Variants in DOCK4 observed in about 807,000 individuals in gnomAD.
DOCK4 encodes dedicator of cytokinesis protein 4.
DOCK4 carries 97 observed loss-of-function variants against 268.1 expected under a neutral mutation model. The ratio of observed to expected loss-of-function variants is 0.36; its 90% CI spans 0.31 to 0.43. The LOEUF is 0.43. Among genes scored for constraint, DOCK4 ranks in the 20% least tolerant of loss-of-function variants. The pLI is 1.00. For synonymous variants in DOCK4, 954 were observed against 887.2 expected (o/e 1.08, Z -1.34); for missense variants, 2,145 against 2,455.7 (o/e 0.87, Z 2.67).
intron 1 of DOCK4, among the ~76,000 whole-genome samples, chr7:112,171,605 T>G (rs1370824880): frequency 6.6e-6 from 1 of 152,158 alleles, no homozygotes; most frequent in African/African-American, 2.4e-5. Flanking sequence ...AACTAAAGCT[T>G]TACCAAAAAC....
intron 1 of DOCK4, among the ~76,000 whole-genome samples, chr7:112,107,194 A>G (rs890308547): frequency 1.3e-4 from 20 of 152,236 alleles, no homozygotes; most frequent in African/African-American, 4.8e-4. Context: ...TGTAATGTAT[A>G]CAAATAACCA....
At chr7:112,167,075 A>G (rs1297218574) in intron 1 of DOCK4, among the ~76,000 whole-genome samples, 1 of 152,208 alleles carries the variant, frequency 6.6e-6, no homozygotes, top group Non-Finnish European at 1.5e-5. Context: ...GTTCTCAACT[A>G]CAAAAGAATT....
rs559287802 is a variant in DOCK4 at position 111,977,277 on chromosome 7, G to T, written c.556C>A (p.His186Asn). The T allele has an allele frequency of 1.3e-5, 20 of 1,595,062 alleles. No homozygotes were observed. In the South Asian group the frequency reaches 2.2e-4, roughly 17 times the overall value. The change falls in exon 8 of 53, where the codon CAT becomes AAT. Residue 186 changes from histidine to asparagine, a missense_variant. Around this residue, in one of 2 missense-constraint regions of DOCK4, gnomAD observed 1,598 missense variants for 1,986.7 expected, o/e 0.80. Transcript: ENST00000428084. Reference protein sequence around the residue: ...SITELYRLMEHRHRKKDTPVQ... With the variant: ...SITELYRLMENRHRKKDTPVQ... Reference sequence around the variant, plus strand: ...GGGGTGTCTTTCTTCCGATGTCGATGTTCCATCTGAATGACACCCCCCAAC... The same window carrying T: ...GGGGTGTCTTTCTTCCGATGTCGATTTTCCATCTGAATGACACCCCCCAAC...
At chr7:111,798,985 A>T (rs1055967120) in intron 30 of DOCK4, among the ~76,000 whole-genome samples, 1 of 152,230 alleles carries the variant, frequency 6.6e-6, no homozygotes, top group Non-Finnish European at 1.5e-5. Flanking sequence ...GGGACATCAG[A>T]AAGAAACAAG....
chr7:111,894,681 G>A (rs1045620164), intron 16 of DOCK4, among the ~76,000 whole-genome samples: 8 of 152,236 alleles, frequency 5.3e-5, no homozygotes, highest in Admixed American at 4.6e-4. Flanking sequence ...GCAGCAGAGG[G>A]TGAAGAACCA....
Position 111,932,615 on chromosome 7 carries a change from TA to T in DOCK4, c.1066+2924del, listed in dbSNP as rs913391380. Among the ~76,000 whole-genome samples, 45 of 147,334 alleles carry T rather than the reference TA, an allele frequency of 3.1e-4. No individual in the cohort carries two copies. In the East Asian group the frequency reaches 6.3e-3, roughly 21 times the overall value. Reference sequence around the variant, plus strand: ...TTCCCTAGTAACCATGTCAAAAAAGTAAAAAAAAAAATTTAATAGCATACAT... The same window carrying T: ...TTCCCTAGTAACCATGTCAAAAAAGTAAAAAAAAAATTTAATAGCATACAT... On this transcript the variant is annotated intron_variant, in intron 12 of 52. Coordinates refer to ENST00000428084, the MANE Select transcript of DOCK4 (RefSeq NM_001363540.2).
At chr7:112,036,096 A>G (rs1263314616) in intron 1 of DOCK4, among the ~76,000 whole-genome samples, 1 of 152,202 alleles carries the variant, frequency 6.6e-6, no homozygotes, top group Non-Finnish European at 1.5e-5. Context: ...AAAAGGAAAC[A>G]GGTATGACCC....
intron 1 of DOCK4, among the ~76,000 whole-genome samples, chr7:112,118,627 T>C (rs1005306485): frequency 1.3e-5 from 2 of 152,162 alleles, no homozygotes; most frequent in Non-Finnish European, 2.9e-5. Context: ...AAACTCCCCT[T>C]CCTACGTTTT....
At chr7:111,816,702 G>T (rs536588606) in intron 27 of DOCK4, among the ~76,000 whole-genome samples, 1 of 152,220 alleles carries the variant, frequency 6.6e-6, no homozygotes, top group Non-Finnish European at 1.5e-5. Flanking sequence ...ACTAGTAAGT[G>T]TATGTTAAAT....
At chr7:112,080,564 T>C (rs1050270525) in intron 1 of DOCK4, among the ~76,000 whole-genome samples, 4 of 152,346 alleles carry the variant, frequency 2.6e-5, no homozygotes, top group Admixed American at 6.5e-5. Flanking sequence ...AGATTTCCTG[T>C]GCCAGCTTAA....
chr7:111,854,446 C>T (rs1331378611), intron 23 of DOCK4, among the ~76,000 whole-genome samples: 2 of 152,250 alleles, frequency 1.3e-5, no homozygotes, highest in Non-Finnish European at 1.5e-5. Context: ...GAATTGCTCA[C>T]TCGGGGAGCT....
chr7:111,958,129 G>C (rs1050917565), intron 8 of DOCK4, among the ~76,000 whole-genome samples: 17 of 152,132 alleles, frequency 1.1e-4, no homozygotes, highest in African/African-American at 4.1e-4. Flanking sequence ...GATAATAATA[G>C]CATGATCTCT....
At chr7:112,189,115 A>C (rs1246250248) in intron 1 of DOCK4, among the ~76,000 whole-genome samples, 1 of 152,224 alleles carries the variant, frequency 6.6e-6, no homozygotes, top group African/African-American at 2.4e-5. Flanking sequence ...GCTATAAATA[A>C]CAATTGTAGT....
chr7:111,728,364 T>C lies in DOCK4; in HGVS notation c.5838A>G (p.Ala1946=), dbSNP rs746344326. ...EPPALPPKPL[A]ARSSHLENGA... ...CATTCTCCAGGTGGCTGGATCGCGC[T>C]GCCAGAGGCTTGGGGGGCAGCGCGG... Residue 1946 remains alanine, a synonymous_variant, in exon 53 of 53, where the codon GCA becomes GCG. Transcript: ENST00000428084. 32 of 1,525,968 alleles carry C rather than the reference T, an allele frequency of 2.1e-5. No homozygotes were observed. The highest frequency in any genetic ancestry group is 2.8e-5 in the Non-Finnish European group (32 of 1,138,830). 94.5% of individuals were successfully genotyped at this position (1,525,968 alleles called of 1,614,324 possible). A position where few individuals can be genotyped will look rare whatever the true frequency, so the allele number is the denominator to read the frequency against.
chr7:111,848,723 T>A (rs1330786249), intron 23 of DOCK4, among the ~76,000 whole-genome samples: 1 of 151,978 alleles, frequency 6.6e-6, no homozygotes, highest in African/African-American at 2.4e-5. Context: ...AACACCTGAG[T>A]CTGGGGGCAG....
At chr7:112,140,673 G>GGA (rs1554458658) in intron 1 of DOCK4, among the ~76,000 whole-genome samples, 1 of 147,220 alleles carries the variant, frequency 6.8e-6, no homozygotes. Context: ...TTTAAATGCA[G>GGA]AAAAAAAAAA....
At chr7:112,011,207 T>G (rs1801266888) in intron 1 of DOCK4, among the ~76,000 whole-genome samples, 1 of 152,210 alleles carries the variant, frequency 6.6e-6, no homozygotes. Flanking sequence ...TAGGCCTGCA[T>G]CACAGATCAA....
chr7:111,916,038 A>G, intron 12 of DOCK4, 134 bp from the exon 13 acceptor site: 1 of 923,644 alleles, frequency 1.1e-6, no homozygotes, highest in Non-Finnish European at 1.6e-6. Context: ...CGAAATCGAC[A>G]GAATCTATAT....
intron 8 of DOCK4, among the ~76,000 whole-genome samples, chr7:111,960,526 T>C (rs1341608204): frequency 2.2e-5 from 2 of 92,558 alleles, no homozygotes; most frequent in African/African-American, 5.7e-5. Flanking sequence ...TCATGTGCTT[T>C]TTTTTTTTTT....
Sources: gnomAD v4.1 joint callset for allele counts (sites outside exome capture counted in the v4.1 genomes callset) on GRCh38, gnomAD v4.1.1 for gene constraint, gnomAD v4.1.1 regional missense constraint, MANE v1.5 for transcripts, NCBI Gene and HGNC (gene_info 2026-07-23, HGNC 2026-07-21) for gene names.